The following JARID2 variants were observed in gnomAD, a reference collection of about 807,000 sequenced individuals.
JARID2 encodes the protein jumonji and AT-rich interaction domain containing 2.
In JARID2, 21 loss-of-function variants were observed where a neutral mutation model predicts 125.6. The observed-to-expected ratio is 0.17, with a 90% CI of 0.12 to 0.24. The LOEUF is 0.24. Among genes scored for constraint, JARID2 ranks in the 10% least tolerant of loss-of-function variants. The pLI is 1.00. For missense variants in JARID2, 1,303 were observed against 1,639.6 expected (o/e 0.79, Z 3.55); for synonymous variants, 736 against 661.6 (o/e 1.11, Z -1.73).
chr6:15,275,906 C>A (rs1055417173), intron 1 of JARID2, among the ~76,000 whole-genome samples: 1 of 152,050 alleles, frequency 6.6e-6, no homozygotes, highest in African/African-American at 2.4e-5. Flanking sequence ...TAAGCCATGA[C>A]TAGTGGGGAT....
At chr6:15,316,733 C>T (rs1479527097) in intron 1 of JARID2, among the ~76,000 whole-genome samples, 1 of 152,132 alleles carries the variant, frequency 6.6e-6, no homozygotes, top group East Asian at 1.9e-4. Context: ...GAACCCCTGA[C>T]CTCAGATGAT....
At chr6:15,333,017 C>T (rs371963483) in intron 1 of JARID2, among the ~76,000 whole-genome samples, 20 of 149,356 alleles carry the variant, frequency 1.3e-4, no homozygotes, top group African/African-American at 3.0e-4. Context: ...CTGCAGGCTC[C>T]GCCTCCCGGG....
rs548393676 is a variant in JARID2 at position 15,421,310 on chromosome 6, T to C, written c.323+10945T>C. On this transcript the variant is annotated intron_variant, in intron 3 of 17. Coordinates refer to ENST00000341776, the MANE Select transcript of JARID2 (RefSeq NM_004973.4). ...TAGCTTCACTAAAAGCGGAAGTTCT[T>C]TCTGTTCTTTGAATGTTGAATGAGA... Among the ~76,000 whole-genome samples, 5 of 152,236 alleles carry C rather than the reference T, an allele frequency of 3.3e-5. No individual in the cohort carries two copies. In the South Asian group the frequency reaches 1.0e-3, roughly 32 times the overall value.
At chr6:15,329,977 C>G (rs567099316) in intron 1 of JARID2, among the ~76,000 whole-genome samples, 35 of 152,296 alleles carry the variant, frequency 2.3e-4, no homozygotes, top group African/African-American at 7.9e-4. Context: ...ACTTAATTTT[C>G]ACTGGGTTTC....
At chr6:15,405,446 G>A (rs2127561413) in intron 2 of JARID2, among the ~76,000 whole-genome samples, 1 of 152,284 alleles carries the variant, frequency 6.6e-6, no homozygotes, top group East Asian at 1.9e-4. Context: ...GACTAGCTGA[G>A]GTTGCAGGCA....
At chr6:15,481,462 AT>A (rs1435561926) in intron 5 of JARID2, among the ~76,000 whole-genome samples, 2 of 152,086 alleles carry the variant, frequency 1.3e-5, no homozygotes, top group South Asian at 4.2e-4. Context: ...GAGAGTGAAT[AT>A]TTTTTTTCCT....
intron 1 of JARID2, among the ~76,000 whole-genome samples, chr6:15,351,735 G>C (rs1306026866): frequency 6.6e-6 from 1 of 152,160 alleles, no homozygotes; most frequent in Non-Finnish European, 1.5e-5. Context: ...ATGAGTTGCT[G>C]TGTGGTCCAG....
At chr6:15,422,670 G>A (rs1766550515) in intron 3 of JARID2, among the ~76,000 whole-genome samples, 2 of 152,096 alleles carry the variant, frequency 1.3e-5, no homozygotes, top group Non-Finnish European at 2.9e-5. Context: ...CCCCACTTCT[G>A]CTTCCCCATC....
At chr6:15,487,660 A>G (rs1041058158) in intron 6 of JARID2, 118 bp downstream of exon 6, 3 of 846,180 alleles carry the variant, frequency 3.5e-6, no homozygotes, top group South Asian at 1.8e-5. Flanking sequence ...CCCAGAAGCA[A>G]GACAGGGACA....
At chr6:15,248,839 G>T (rs998044279) in intron 1 of JARID2, 9 of 902,944 alleles carry the variant, frequency 1.0e-5, no homozygotes, top group African/African-American at 3.6e-5. Flanking sequence ...CGGGGCGGCG[G>T]GGGGAGGAGG....
intron 1 of JARID2, among the ~76,000 whole-genome samples, chr6:15,277,778 CA>C (rs541398012): frequency 0.22 from 18,440 of 83,624 alleles, 950 homozygotes; most frequent in South Asian, 0.32. Context: ...GCCAAGTCTG[CA>C]AAAAAAAAAA....
intron 4 of JARID2, 36 bp downstream of exon 4, chr6:15,452,211 G>T: frequency 6.2e-7 from 1 of 1,609,152 alleles, no homozygotes; most frequent in African/African-American, 1.3e-5. Flanking sequence ...GGTCTACGTG[G>T]AATCTACATG....
intron 6 of JARID2, among the ~76,000 whole-genome samples, chr6:15,489,843 C>G (rs1581635682): frequency 6.6e-6 from 1 of 152,200 alleles, no homozygotes; most frequent in South Asian, 2.1e-4. Flanking sequence ...GACGGGGATC[C>G]TCTCCTGTCA....
At chr6:15,256,948 A>G (rs1759689509) in intron 1 of JARID2, among the ~76,000 whole-genome samples, 1 of 152,198 alleles carries the variant, frequency 6.6e-6, no homozygotes, top group South Asian at 2.1e-4. Context: ...GGGAATCGGT[A>G]TGAATCTAGT....
At chr6:15,381,282 C>T (rs1483715631) in intron 2 of JARID2, among the ~76,000 whole-genome samples, 1 of 142,278 alleles carries the variant, frequency 7.0e-6, no homozygotes, top group Non-Finnish European at 1.5e-5. Flanking sequence ...GCGGAGCTTG[C>T]AGTGAGCCAG....
At chr6:15,507,007 T>G in intron 9 of JARID2, 129 bp from the exon 10 acceptor site, 1 of 665,596 alleles carries the variant, frequency 1.5e-6, no homozygotes, top group South Asian at 1.8e-5. Context: ...GGAGACACTC[T>G]GCAAAGAGAG....
intron 1 of JARID2, among the ~76,000 whole-genome samples, chr6:15,316,315 T>G (rs1470818972): frequency 2.1e-4 from 32 of 152,108 alleles, no homozygotes; most frequent in Non-Finnish European, 1.0e-4. Context: ...ACTCAAGTGG[T>G]CTGTCCACCT....
intron 17 of JARID2, among the ~76,000 whole-genome samples, chr6:15,518,497 T>C (rs1321902499): frequency 6.6e-6 from 1 of 152,216 alleles, no homozygotes; most frequent in Admixed American, 6.5e-5. Flanking sequence ...ATTTTTTTGT[T>C]TTTAAGACGG....
intron 1 of JARID2, among the ~76,000 whole-genome samples, chr6:15,315,584 C>T (rs936772087): frequency 5.9e-5 from 9 of 152,138 alleles, no homozygotes; most frequent in Non-Finnish European, 1.3e-4. Flanking sequence ...GACTGGACTA[C>T]CTGAATAATT....
Sources: allele counts gnomAD v4.1 joint callset (sites outside exome capture counted in the v4.1 genomes callset), GRCh38; gene constraint gnomAD v4.1.1; transcripts MANE v1.5; gene names NCBI Gene and HGNC (gene_info 2026-07-23, HGNC 2026-07-21).